The following TTC29 variants were observed in gnomAD, a reference collection of about 807,000 sequenced individuals.
TTC29 encodes the protein tetratricopeptide repeat protein 29.
TTC29 carries 49 observed loss-of-function variants against 58.1 expected under a neutral mutation model. The ratio of observed to expected loss-of-function variants is 0.84; its 90% CI spans 0.67 to 1.07. The LOEUF is 1.07. Among genes scored for constraint, TTC29 ranks in the 50% least tolerant of loss-of-function variants. TTC29 has a pLI of 0.00. For missense variants in TTC29, 582 were observed against 555.6 expected (o/e 1.05, Z -0.48); for synonymous variants, 209 against 196.8 (o/e 1.06, Z -0.52).
intron 2 of TTC29, among the ~76,000 whole-genome samples, chr4:146,942,389 C>A (rs1736486673): frequency 6.6e-6 from 1 of 152,158 alleles, no homozygotes; most frequent in Non-Finnish European, 1.5e-5. Flanking sequence ...TTTATAACTT[C>A]ATAACGTAAT....
At chr4:146,771,503 A>G (rs2150074496) in intron 11 of TTC29, among the ~76,000 whole-genome samples, 1 of 152,220 alleles carries the variant, frequency 6.6e-6, no homozygotes, top group African/African-American at 2.4e-5. Context: ...TGGCGAGAAC[A>G]TGCAGTATTT....
chr4:146,889,109 G>A (rs1732183725), intron 6 of TTC29, among the ~76,000 whole-genome samples: 1 of 152,008 alleles, frequency 6.6e-6, no homozygotes, highest in South Asian at 2.1e-4. Context: ...GAATTTGCAG[G>A]TTTCTAATTT....
chr4:146,863,062 C>T (rs72958266), intron 8 of TTC29, among the ~76,000 whole-genome samples: 4,885 of 149,706 alleles, frequency 0.033, 133 homozygotes, highest in East Asian at 0.13. Context: ...GTGGAGCTTG[C>T]AGGGAACCGA....
At chr4:146,793,990 A>G (rs1176284521) in intron 11 of TTC29, among the ~76,000 whole-genome samples, 2 of 152,194 alleles carry the variant, frequency 1.3e-5, no homozygotes, top group Non-Finnish European at 2.9e-5. Flanking sequence ...GATTTTCAAC[A>G]TAATTAGTCA....
chr4:146,850,840 T>C (rs761933005), intron 8 of TTC29, among the ~76,000 whole-genome samples: 29 of 152,220 alleles, frequency 1.9e-4, no homozygotes, highest in African/African-American at 2.7e-4. Flanking sequence ...AAAATGGAGA[T>C]ATAAACAATC....
At chr4:146,880,049 A>G (rs1731523077) in intron 6 of TTC29, among the ~76,000 whole-genome samples, 1 of 152,136 alleles carries the variant, frequency 6.6e-6, no homozygotes, top group Non-Finnish European at 1.5e-5. Flanking sequence ...ACCAAGCAAA[A>G]GTCCAGATAG....
chr4:146,811,133 TTTGTTG>T (rs893650951), intron 10 of TTC29, among the ~76,000 whole-genome samples: 4 of 152,006 alleles, frequency 2.6e-5, no homozygotes, highest in Non-Finnish European at 4.4e-5. Flanking sequence ...AATTCAGGGT[TTTGTTG>T]TTGTTGTTGT....
At chr4:146,800,371 T>A (rs1249883580) in intron 11 of TTC29, among the ~76,000 whole-genome samples, 2 of 152,200 alleles carry the variant, frequency 1.3e-5, no homozygotes, top group Non-Finnish European at 2.9e-5. Flanking sequence ...AGGATGGAAG[T>A]CTCAGAGGTG....
chr4:146,817,030 G>A (rs1751456508), intron 10 of TTC29, among the ~76,000 whole-genome samples: 1 of 152,160 alleles, frequency 6.6e-6, no homozygotes, highest in African/African-American at 2.4e-5. Context: ...TCAAGACAGG[G>A]ATGCCCTCTC....
At chr4:146,840,223 T>A (rs2150167751) in intron 8 of TTC29, among the ~76,000 whole-genome samples, 1 of 151,634 alleles carries the variant, frequency 6.6e-6, no homozygotes, top group East Asian at 1.9e-4. Context: ...GCTCTGCAGC[T>A]TTTTCACAAT....
At chr4:146,943,644 A>T (rs1736643006) in intron 2 of TTC29, among the ~76,000 whole-genome samples, 2 of 152,200 alleles carry the variant, frequency 1.3e-5, no homozygotes, top group Non-Finnish European at 2.9e-5. Context: ...ATAATGTGTG[A>T]TCTGAATTTT....
At chr4:146,877,611 G>C (rs1731353911) in intron 6 of TTC29, among the ~76,000 whole-genome samples, 1 of 152,072 alleles carries the variant, frequency 6.6e-6, no homozygotes, top group African/African-American at 2.4e-5. Flanking sequence ...TATTTCCTCT[G>C]TTAACTATAT....
At chr4:146,926,443 A>G (rs907309349) in intron 4 of TTC29, among the ~76,000 whole-genome samples, 2 of 151,990 alleles carry the variant, frequency 1.3e-5, no homozygotes, top group South Asian at 4.1e-4. Flanking sequence ...TTATAATCTG[A>G]CAGCTGTGTA....
At chr4:146,801,365 T>C (rs1024802355) in intron 11 of TTC29, among the ~76,000 whole-genome samples, 1 of 152,230 alleles carries the variant, frequency 6.6e-6, no homozygotes, top group Non-Finnish European at 1.5e-5. Context: ...ACCATGCCAG[T>C]AGTATGAGAA....
chr4:146,818,708 G>C (rs991066287), intron 10 of TTC29, among the ~76,000 whole-genome samples: 3 of 152,100 alleles, frequency 2.0e-5, no homozygotes, highest in African/African-American at 7.2e-5. Context: ...TGATAGACTG[G>C]ATTAAGAAAA....
intron 9 of TTC29, 76 bp from the exon 10 acceptor site, chr4:146,820,324 C>A: frequency 6.7e-7 from 1 of 1,489,916 alleles, no homozygotes; most frequent in South Asian, 1.3e-5. Flanking sequence ...TATCTTGTGT[C>A]TTTGCTGTAG....
chr4:146,770,393 C>T (rs960281293), intron 11 of TTC29, among the ~76,000 whole-genome samples: 3 of 151,764 alleles, frequency 2.0e-5, no homozygotes, highest in Non-Finnish European at 2.9e-5. Context: ...TCCTTCACAT[C>T]AGTTTTCTAC....
intron 10 of TTC29, among the ~76,000 whole-genome samples, chr4:146,807,445 C>T: frequency 6.6e-6 from 1 of 152,172 alleles, no homozygotes; most frequent in Middle Eastern, 3.4e-3. Context: ...ATCAATGAAT[C>T]CAGGAGCTGG....
At chr4:146,918,426 G>C (rs929388075) in intron 4 of TTC29, among the ~76,000 whole-genome samples, 2 of 150,934 alleles carry the variant, frequency 1.3e-5, no homozygotes, top group Non-Finnish European at 3.0e-5. Flanking sequence ...TTTCAACATG[G>C]GTGATTATAT....
Sources: allele counts gnomAD v4.1 joint callset (sites outside exome capture counted in the v4.1 genomes callset), GRCh38; gene constraint gnomAD v4.1.1; transcripts MANE v1.5; gene names NCBI Gene and HGNC (gene_info 2026-07-23, HGNC 2026-07-21).